The following DNAH17 variants were observed in gnomAD, a reference collection of about 807,000 sequenced individuals.
DNAH17 encodes the protein axonemal beta dynein heavy chain 17.
In DNAH17, 376 loss-of-function variants were observed where a neutral mutation model predicts 485.6. That is an observed-to-expected ratio of 0.77 (90% CI 0.71 to 0.84). The LOEUF is 0.84. Among genes scored for constraint, DNAH17 ranks in the 40% least tolerant of loss-of-function variants. The probability of loss-of-function intolerance (pLI) is 0.00; values close to 1 mark genes in which losing one functional copy is unlikely to be tolerated. For missense variants in DNAH17, 6,370 were observed against 5,839.3 expected, an observed-to-expected ratio of 1.09 and a Z score of -2.96; for synonymous variants, 3,031 against 2,405.9, an observed-to-expected ratio of 1.26 and a Z score of -7.60.
In DNAH17 at chr17:78,561,860, C is replaced by G. The variant is rs893483691; in HGVS notation, c.1690G>C (p.Asp564His). Residue 564 changes from aspartate to histidine, a missense_variant, in exon 12 of 81, where the codon GAT becomes CAT. Asp to His is a moderately conservative substitution (Grantham distance 81, BLOSUM62 -1). Transcript: ENST00000389840. ...AELDNAKILY[D>H]AQMAASEEGN... ...TCCTCGGAGGCCGCCATCTGGGCAT[C>G]GTACAAGATCTTAGCATTGTCTAGC... is the stretch of plus-strand genomic sequence containing the variant. 1.9e-6 allele frequency: 3 copies of G among 1,613,828 alleles called. No homozygotes were observed. Among genetic ancestry groups the G allele is most frequent in the Non-Finnish European group, 2.5e-6 (3 of 1,179,882 alleles).
At chr17:78,503,128 A>T (rs1173532356) in intron 31 of DNAH17, 117 bp from the exon 32 acceptor site, 1 of 1,148,892 alleles carries the variant, frequency 8.7e-7, no homozygotes, top group Non-Finnish European at 1.2e-6. Flanking sequence ...TCCCAGGGGC[A>T]GACAGGTCAA....
intron 47 of DNAH17, 117 bp downstream of exon 47, chr17:78,485,433 A>C: frequency 2.0e-6 from 2 of 977,220 alleles, no homozygotes; most frequent in African/African-American, 1.6e-5. Context: ...GGGCATGGGA[A>C]GTGAGGAGGT....
chr17:78,559,265 C>T (rs1205457768), intron 13 of DNAH17, among the ~76,000 whole-genome samples: 6 of 152,196 alleles, frequency 3.9e-5, no homozygotes, highest in South Asian at 2.1e-4. Flanking sequence ...TGTATCCACC[C>T]GCCTACTCAG....
intron 16 of DNAH17, among the ~76,000 whole-genome samples, chr17:78,544,463 G>A (rs1186255323): frequency 2.6e-5 from 4 of 152,142 alleles, no homozygotes; most frequent in Non-Finnish European, 4.4e-5. Context: ...TAGAGAGTAG[G>A]GTCAGGACCC....
chr17:78,504,484 CCCCACCCA>C (rs961520657), intron 31 of DNAH17, among the ~76,000 whole-genome samples: 3 of 147,592 alleles, frequency 2.0e-5, no homozygotes, highest in African/African-American at 7.4e-5. Flanking sequence ...ACCCCACCCA[CCCCACCCA>C]CCCCATCCAC....
intron 54 of DNAH17, among the ~76,000 whole-genome samples, chr17:78,474,928 C>T (rs371169930): frequency 6.7e-6 from 1 of 148,888 alleles, no homozygotes; most frequent in African/African-American, 2.5e-5. Flanking sequence ...ACCTCAGTCA[C>T]ACGGGCCGAA....
At chr17:78,565,539 C>T (rs982228398) in intron 11 of DNAH17, among the ~76,000 whole-genome samples, 1 of 151,856 alleles carries the variant, frequency 6.6e-6, no homozygotes, top group African/African-American at 2.4e-5. Context: ...CCCAGGCCAA[C>T]CCAATTGCCT....
At chr17:78,530,647 G>T in intron 20 of DNAH17, 135 bp from the exon 21 acceptor site, 1 of 1,037,072 alleles carries the variant, frequency 9.6e-7, no homozygotes, top group Non-Finnish European at 1.4e-6. Context: ...GCCAGGGTCA[G>T]CAAAGGGCAG....
intron 44 of DNAH17, among the ~76,000 whole-genome samples, chr17:78,490,282 C>T (rs2089791346): frequency 6.6e-6 from 1 of 152,222 alleles, no homozygotes; most frequent in African/African-American, 2.4e-5. Flanking sequence ...CACTGCCCAT[C>T]CGGCAATGCC....
intron 11 of DNAH17, among the ~76,000 whole-genome samples, chr17:78,564,017 A>C (rs1176799055): frequency 6.6e-6 from 1 of 152,166 alleles, no homozygotes; most frequent in Non-Finnish European, 1.5e-5. Flanking sequence ...CTTGACCCTA[A>C]CAGGTGCCAG....
At chr17:78,478,860 G>A (rs570024487) in intron 51 of DNAH17, 165 bp downstream of exon 51, 4 of 611,344 alleles carry the variant, frequency 6.5e-6, no homozygotes, top group South Asian at 6.5e-5. Flanking sequence ...CACTACCACT[G>A]TCACCACCAC....
At chr17:78,485,160 A>C in intron 47 of DNAH17, 127 bp from the exon 48 acceptor site, 2 of 1,254,116 alleles carry the variant, frequency 1.6e-6, no homozygotes, top group Non-Finnish European at 2.1e-6. Context: ...AAGTTTACCA[A>C]AGGTACCTGC....
chr17:78,555,278 T>C (rs2091994692), intron 14 of DNAH17, among the ~76,000 whole-genome samples: 1 of 152,110 alleles, frequency 6.6e-6, no homozygotes, highest in Admixed American at 6.5e-5. Context: ...AGTGGTCTCT[T>C]CCCAGTCGAG....
intron 13 of DNAH17, among the ~76,000 whole-genome samples, 153 bp from the exon 14 acceptor site, chr17:78,558,407 G>A (rs974738248): frequency 1.3e-5 from 2 of 150,242 alleles, no homozygotes; most frequent in East Asian, 1.9e-4. Flanking sequence ...GCAGGACCAG[G>A]ACGTTTTCAC....
At chr17:78,424,406 G>C in intron 80 of DNAH17, 1 of 445,524 alleles carries the variant, frequency 2.2e-6, no homozygotes, top group African/African-American at 1.9e-5. Flanking sequence ...TTAAATCTGT[G>C]GCATTTTCAG....
chr17:78,547,233 C>T (rs753694205), intron 16 of DNAH17, among the ~76,000 whole-genome samples: 6 of 152,192 alleles, frequency 3.9e-5, no homozygotes, highest in Non-Finnish European at 7.3e-5. Flanking sequence ...TCCTGGAATA[C>T]ATCCTGGAAT....
rs116770568 is a variant in DNAH17, at chr17:78,474,807, C to T, written c.8511+471G>A. Among the ~76,000 whole-genome samples, 1,321 of 133,258 alleles carry T rather than the reference C, an allele frequency of 9.9e-3. 14 individuals carry two copies. Among genetic ancestry groups the T allele is most frequent in the African/African-American group, 0.038 (1,235 of 32,154 alleles). 87.4% of individuals were successfully genotyped at this position (133,258 alleles called of 152,430 possible). ...TTTCACACTCTTCACCTCAGTCACC[C>T]GGGCACACACACTGGCCGGAAGGTT... On this transcript the variant is annotated intron_variant, in intron 54 of 80. Coordinates refer to ENST00000389840, the MANE Select transcript of DNAH17 (RefSeq NM_173628.4).
At position 78,449,456 on chromosome 17, in the gene DNAH17, G is replaced by T. The variant is rs373996385; in HGVS notation, c.11169C>A (p.Phe3723Leu). The T allele has an allele frequency of 1.3e-6, 2 of 1,554,230 alleles. No individual in the cohort carries two copies. The highest frequency in any genetic ancestry group is 1.7e-6 in the Non-Finnish European group (2 of 1,148,472). Residue 3723 changes from phenylalanine to leucine, a missense_variant, in exon 69 of 81, where the codon TTC becomes TTA. Transcript: ENST00000389840. ...SVYMYTARGL[F>L]ERDKLIFLAQ... ...CCAGGAAAATGAGTTTGTCCCTCTCGAAGAGTCCCCGGGCCGTGTACATGT... is the reference window on the plus strand; with the variant it reads ...CCAGGAAAATGAGTTTGTCCCTCTCTAAGAGTCCCCGGGCCGTGTACATGT...
intron 75 of DNAH17, among the ~76,000 whole-genome samples, chr17:78,432,505 G>C (rs11077366): frequency 0.01 from 1,542 of 152,178 alleles, 14 homozygotes; most frequent in Admixed American, 0.026. Flanking sequence ...TCCAGGGCTG[G>C]TGTGCCTCCC....
Sources: gnomAD v4.1 joint callset for allele counts (sites outside exome capture counted in the v4.1 genomes callset) on GRCh38, gnomAD v4.1.1 for gene constraint, MANE v1.5 for transcripts, NCBI Gene and HGNC (gene_info 2026-07-23, HGNC 2026-07-21) for gene names.